NUMA1: variants seen among roughly 807,000 people sequenced by gnomAD.
NUMA1 encodes nuclear mitotic apparatus protein 1.
In NUMA1, 62 loss-of-function variants were observed where a neutral mutation model predicts 237.1. The observed-to-expected ratio is 0.26, with a 90% CI of 0.21 to 0.32. NUMA1 has a LOEUF of 0.32. Among genes scored for constraint, NUMA1 ranks in the 10% least tolerant of loss-of-function variants. The pLI is 1.00. For synonymous variants in NUMA1, 1,028 were observed against 1,066.1 expected, an observed-to-expected ratio of 0.96 and a Z score of 0.70; for missense variants, 2,533 against 2,666.5, an observed-to-expected ratio of 0.95 and a Z score of 1.10.
intron 2 of NUMA1, among the ~76,000 whole-genome samples, chr11:72,054,806 A>G (rs1014379506): frequency 2.0e-5 from 3 of 152,242 alleles, no homozygotes; most frequent in African/African-American, 7.2e-5. Flanking sequence ...GGGGTTAGAG[A>G]TAAGGATCTG....
chr11:72,003,419 A>G lies in NUMA1; in HGVS notation c.*108T>C, dbSNP rs1245361053. On this transcript the variant is annotated 3_prime_UTR_variant, in exon 27 of 27. Coordinates refer to ENST00000393695, the MANE Select transcript of NUMA1 (RefSeq NM_006185.4). The stretch of plus-strand genomic sequence containing the variant: ...CATCACTGTCTCTAGGGGTTTGGCT[A>G]CTGTTGGCCTGGGAGCTGAGAGAAG... The G allele has an allele frequency of 1.7e-5, 18 of 1,087,954 alleles. No homozygotes were observed. The highest frequency in any genetic ancestry group is 1.0e-5 in the Non-Finnish European group (7 of 701,646). 67.4% of individuals were successfully genotyped at this position (1,087,954 alleles called of 1,614,324 possible).
chr11:72,007,522 C>A, intron 20 of NUMA1, 87 bp from the exon 21 acceptor site: 2 of 1,512,372 alleles, frequency 1.3e-6, no homozygotes, highest in Non-Finnish European at 1.8e-6. Context: ...ATTTCCCATC[C>A]TTACTACAAG....
chr11:72,077,806 T>A (rs1421795254), intron 1 of NUMA1, among the ~76,000 whole-genome samples: 2 of 107,686 alleles, frequency 1.9e-5, no homozygotes, highest in Non-Finnish European at 3.4e-5. Context: ...AGAGTGAGAC[T>A]CCATCTCAAA....
chr11:72,058,921 A>G (rs1402361072), intron 2 of NUMA1, among the ~76,000 whole-genome samples: 5 of 152,152 alleles, frequency 3.3e-5, no homozygotes, highest in Admixed American at 1.3e-4. Flanking sequence ...GCAAGTGCAG[A>G]CAGGCCCAGG....
At chr11:72,039,621 C>T (rs1941430178) in intron 2 of NUMA1, 1 of 152,266 alleles carries the variant, frequency 6.6e-6, no homozygotes, top group Non-Finnish European at 1.5e-5. Flanking sequence ...TTCCCAGAAC[C>T]CCACCCCCTT....
rs780948667 is a variant in NUMA1, at chr11:72,007,358, G to C, written c.5294C>G (p.Pro1765Arg). The change falls in exon 21 of 27, where the codon CCC (proline) becomes CGC (arginine). Residue 1765 changes from proline to arginine, a missense_variant. Physicochemically the swap from Pro to Arg is moderately radical, Grantham distance 103. Around this residue, in one of 3 missense-constraint regions of NUMA1, gnomAD observed 795 missense variants for 750.8 expected, o/e 1.06. Coordinates refer to ENST00000393695, the MANE Select transcript of NUMA1 (RefSeq NM_006185.4). ...GAGACTCTCCAGGGATTCTACCTTG[G>C]GGGGCAGGCGCTGGGAGATAGGTGA... is the stretch of plus-strand genomic sequence containing the variant. ...PASPISQRLP[P>R]KVESLESLYF... is the part of the protein sequence containing the mutation. 5.6e-6 allele frequency: 9 copies of C among 1,613,632 alleles called. No homozygotes were observed. The highest frequency in any genetic ancestry group is 6.8e-6 in the Non-Finnish European group (8 of 1,179,888).
chr11:72,026,602 C>G (rs1178238677), intron 4 of NUMA1, among the ~76,000 whole-genome samples: 1 of 152,148 alleles, frequency 6.6e-6, no homozygotes, highest in Non-Finnish European at 1.5e-5. Flanking sequence ...AGAGAGAAGG[C>G]CAAGTGGCCA....
At chr11:72,007,664 A>T in intron 20 of NUMA1, 1 of 586,056 alleles carries the variant, frequency 1.7e-6, no homozygotes, top group Non-Finnish European at 3.0e-6. Flanking sequence ...GCCCAGACCC[A>T]GATGTCCCAT....
chr11:72,022,379 T>C lies in NUMA1; in HGVS notation c.332A>G (p.Lys111Arg), dbSNP rs1200635667. 4 of 1,613,878 alleles carry C rather than the reference T, an allele frequency of 2.5e-6. No individual in the cohort carries two copies. Among genetic ancestry groups the C allele is most frequent in the South Asian group, 2.2e-5 (2 of 91,058 alleles). Residue 111 changes from lysine (K) to arginine (R), a missense_variant, in exon 7 of 27, where the codon AAA (lysine) becomes AGA (arginine). Transcript: ENST00000393695. The stretch of plus-strand genomic sequence containing the variant: ...AAACTGTTCCCAGTCCCTGGGACTT[T>C]TGGAGCTCATGGTAGAGTGGTATAA... The part of the protein sequence containing the change: ...LLLYHSTMSS[K>R]SPRDWEQFEY...
In NUMA1 at chr11:72,005,158, T is replaced by C. The variant is rs537280686; in HGVS notation, c.5829+75A>G. ...AGTCAGTGATCCAGGGCCCTAGTGC[T>C]CAGGCTAGATCAGCAGGTGGGATTC... On this transcript the variant is annotated intron_variant, in intron 23 of 26. Transcript: ENST00000393695. The C allele has an allele frequency of 1.9e-5, 28 of 1,450,430 alleles. No individual in the cohort carries two copies. The South Asian group carries it at 3.7e-4, about 19-fold the overall frequency. The allele number at this position is 1,450,430 out of a possible 1,614,324, so 89.8% of individuals were successfully genotyped here.
intron 9 of NUMA1, among the ~76,000 whole-genome samples, 195 bp downstream of exon 9, chr11:72,019,299 G>A (rs750199911): frequency 2.6e-5 from 4 of 152,166 alleles, no homozygotes; most frequent in Non-Finnish European, 5.9e-5. Flanking sequence ...AACAGCTTTT[G>A]AGGGAGGCCT....
intron 4 of NUMA1, 111 bp from the exon 5 acceptor site, chr11:72,024,464 G>A: frequency 1.1e-6 from 1 of 949,950 alleles, no homozygotes; most frequent in Non-Finnish European, 1.7e-6. Context: ...TGCTGGATCT[G>A]GAAGAGATCC....
chr11:72,071,340 T>C (rs1943441913), intron 1 of NUMA1, among the ~76,000 whole-genome samples: 1 of 152,196 alleles, frequency 6.6e-6, no homozygotes, highest in African/African-American at 2.4e-5. Flanking sequence ...GTCAGCCTCA[T>C]CAATCAAACT....
In NUMA1 at chr11:72,068,800, T is replaced by C. The variant is rs183478878; in HGVS notation, c.-33+1042A>G. 1.2e-4 allele frequency among the ~76,000 whole-genome samples: 18 copies of C among 152,350 alleles called. No individual in the cohort carries two copies. In the East Asian group the frequency reaches 3.3e-3, roughly 28 times the overall value. On this transcript the variant is annotated intron_variant, in intron 2 of 26. Coordinates refer to ENST00000393695, the MANE Select transcript of NUMA1 (RefSeq NM_006185.4). ...CTCTCCTTAGGAAGTTATTTACTTA[T>C]TCTAACAAAACACTTCTTTGGGAGC...
intron 2 of NUMA1, among the ~76,000 whole-genome samples, chr11:72,043,148 G>A (rs2135904474): frequency 6.6e-6 from 1 of 151,968 alleles, no homozygotes; most frequent in East Asian, 1.9e-4. Context: ...GGGATGATAT[G>A]CAGAATTAAA....
Position 72,013,883 on chromosome 11 carries a change from T to C in NUMA1, c.3620A>G (p.Asp1207Gly), listed in dbSNP as rs527650464. ...CCGGGCCACCTGGGCCTTCCACTCA[T>C]CTTCAGCCTTGCTGTGGTCTTGTAC... is the stretch of plus-strand genomic sequence containing the variant. ...TKVQDHSKAE[D>G]EWKAQVARGR... The change falls in exon 15 of 27, where the codon GAT (aspartate) becomes GGT (glycine). Residue 1207 changes from aspartate to glycine, a missense_variant. Asp to Gly is a moderately conservative substitution (Grantham distance 94). Coordinates refer to ENST00000393695, the MANE Select transcript of NUMA1 (RefSeq NM_006185.4). The surrounding 1 kb of genome is among the most constrained non-coding windows in gnomAD (Gnocchi z 6.8). The C allele has an allele frequency of 9.9e-6, 16 of 1,613,892 alleles. No homozygotes were observed. The highest frequency in any genetic ancestry group is 1.4e-5 in the Non-Finnish European group (16 of 1,180,014).
intron 3 of NUMA1, among the ~76,000 whole-genome samples, chr11:72,030,045 G>T (rs1170117623): frequency 6.6e-6 from 1 of 152,044 alleles, no homozygotes; most frequent in Non-Finnish European, 1.5e-5. Context: ...TAAAAAGGGG[G>T]TGGAGGGAGC....
rs531758912 is a variant in NUMA1 at position 72,070,093 on chromosome 11, T to C, written c.-102-182A>G. 15 of 152,252 alleles carry C rather than the reference T, an allele frequency of 9.9e-5. No individual in the cohort carries two copies. In the East Asian group the frequency reaches 2.9e-3, roughly 30 times the overall value. The allele number at this position is 152,252 out of a possible 1,614,324, so 9.4% of individuals were successfully genotyped here. Reference sequence around the variant, plus strand: ...TCAGTGGCAGAGCAGGAAGAGTCACTGGGGCAGAAATTCTGGCCTTCTGTG... The same window carrying C: ...TCAGTGGCAGAGCAGGAAGAGTCACCGGGGCAGAAATTCTGGCCTTCTGTG... On this transcript the variant is annotated intron_variant, in intron 1 of 26. Coordinates refer to ENST00000393695, the MANE Select transcript of NUMA1 (RefSeq NM_006185.4).
chr11:72,006,407 A>C, intron 21 of NUMA1, 144 bp from the exon 22 acceptor site: 1 of 657,330 alleles, frequency 1.5e-6, no homozygotes, highest in Non-Finnish European at 2.5e-6. Context: ...GTGTGTCTGC[A>C]AGAAATGGGC....
Sources: allele counts gnomAD v4.1 joint callset (sites outside exome capture counted in the v4.1 genomes callset), GRCh38; gene constraint gnomAD v4.1.1; regional missense constraint gnomAD v4.1.1; non-coding constraint Gnocchi (gnomAD v3.1); transcripts MANE v1.5; gene names NCBI Gene and HGNC (gene_info 2026-07-23, HGNC 2026-07-21).